DUX4: variants seen among roughly 807,000 people sequenced by gnomAD.
The protein encoded by DUX4 is double homeobox protein 4.
chr4:190,175,989 T>C (rs1742286470), downstream of DUX4: 1 of 110,108 alleles, frequency 9.1e-6, no homozygotes, highest in African/African-American at 2.7e-5. Context: ...AGAGAATGGT[T>C]ACATCACTTA....
chr4:190,180,013 A>AGCAG (rs1742525713), downstream of DUX4, among the ~76,000 whole-genome samples: 1 of 29,132 alleles, frequency 3.4e-5, no homozygotes, highest in Admixed American at 3.5e-4. Flanking sequence ...CTTAAACTAG[A>AGCAG]GTTACATCAC....
intron 1 of DUX4, among the ~76,000 whole-genome samples, chr4:190,181,232 C>CCACCTGGGTGATCAGTGCAG (rs1742554070): frequency 6.7e-6 from 1 of 149,738 alleles, no homozygotes; most frequent in East Asian, 2.0e-4. Flanking sequence ...CCCCCATAGG[C>CCACCTGGGTGATCAGTGCAG]AAATCCAAGA....
chr4:190,181,639 G>A (rs1452539961), intron 1 of DUX4, among the ~76,000 whole-genome samples: 114 of 11,528 alleles, frequency 9.9e-3, no homozygotes, highest in African/African-American at 0.014. Context: ...GCCCCCTGTA[G>A]GCAGAGCCTA....
chr4:190,182,250 G>A (rs1391400568), intron 1 of DUX4: 6 of 125,448 alleles, frequency 4.8e-5, no homozygotes, highest in Non-Finnish European at 7.4e-5. Flanking sequence ...GGGTTAGGGT[G>A]AGCATTAGGT....
downstream of DUX4, among the ~76,000 whole-genome samples, chr4:190,176,316 G>A (rs1276074482): frequency 8.7e-6 from 1 of 115,314 alleles, no homozygotes; most frequent in Non-Finnish European, 2.0e-5. Context: ...TGTAGGCAGA[G>A]CTTAGACAAG....
At chr4:190,178,665 T>TAAGTGATCAGTGCAGAGATATATCACA (rs1742440649), downstream of DUX4, among the ~76,000 whole-genome samples, 1 of 152,264 alleles carries the variant, frequency 6.6e-6, no homozygotes, top group Non-Finnish European at 1.5e-5. Flanking sequence ...TTACATCACC[T>TAAGTGATCAGTGCAGAGATATATCACA]AAGTGATCAG....
downstream of DUX4, among the ~76,000 whole-genome samples, chr4:190,177,761 A>G (rs1742384844): frequency 0.1 from 8,712 of 87,128 alleles, no homozygotes; most frequent in Admixed American, 0.12. Context: ...CCTAGACAAG[A>G]GTCCCATCAC....
intron 1 of DUX4, chr4:190,182,311 TAGGCTTAGGGTA>T (rs1742610635): frequency 8.9e-6 from 1 of 111,732 alleles, no homozygotes; most frequent in African/African-American, 2.6e-5. Context: ...GGGTTAGGCT[TAGGCTTAGGGTA>T]AGGCTTAGGG....
In DUX4 at chr4:190,175,791, C is replaced by T. The variant is rs1411936031; in HGVS notation, c.*381C>T. 1.3e-5 allele frequency: 2 copies of T among 155,152 alleles called. 1 individual carries two copies. The highest frequency in any genetic ancestry group is 1.9e-4 in the Admixed American group (2 of 10,762). The allele number at this position is 155,152 out of a possible 1,614,324, so 9.6% of individuals were successfully genotyped here. A position where few individuals can be genotyped will look rare whatever the true frequency, so the allele number is the denominator to read the frequency against. On this transcript the variant is annotated 3_prime_UTR_variant, in exon 2 of 2. Coordinates refer to ENST00000565211, the MANE Select transcript of DUX4 (RefSeq NM_001306068.3). ...CAAACCTGGATTAGAGTTACATCTC[C>T]TGGATGATTAGTTCAGAGATATATT...
At chr4:190,179,377 C>CG (rs1742489553), downstream of DUX4, among the ~76,000 whole-genome samples, 1 of 7,214 alleles carries the variant, frequency 1.4e-4, no homozygotes, top group Non-Finnish European at 3.9e-4. Context: ...ATCGCAATGC[C>CG]CCTGTAGGCA....
At chr4:190,178,363 GGCAA>G (rs1742420717), downstream of DUX4, among the ~76,000 whole-genome samples, 2 of 150,994 alleles carry the variant, frequency 1.3e-5, no homozygotes, top group African/African-American at 4.8e-5. Flanking sequence ...GTCCCCTGTA[GGCAA>G]AGCCTAGGCA....
At chr4:190,177,838 C>CTT (rs1742389332), downstream of DUX4, among the ~76,000 whole-genome samples, 8 of 146,798 alleles carry the variant, frequency 5.4e-5, no homozygotes, top group South Asian at 4.3e-4. Flanking sequence ...AGGGTTACAT[C>CTT]ACCTGGGTGA....
downstream of DUX4, among the ~76,000 whole-genome samples, chr4:190,177,966 G>C (rs1579833548): frequency 2.4e-4 from 18 of 76,342 alleles, no homozygotes; most frequent in South Asian, 3.6e-4. Flanking sequence ...GCCTAGACAA[G>C]AGTTACATCA....
Position 190,175,267 on chromosome 4 carries a change from C to A in DUX4, c.*219C>A, listed in dbSNP as rs1212879076. On this transcript the variant is annotated 3_prime_UTR_variant, in exon 1 of 2. Coordinates refer to ENST00000565211, the MANE Select transcript of DUX4 (RefSeq NM_001306068.3). ...CTGGGCATCCCGGGGATCCCAGAGC[C>A]GGCCCAGGTACCAGCAGGTGGGCCG... 4,155 of 96,264 alleles carry A rather than the reference C, an allele frequency of 0.043. No homozygotes were observed. The highest frequency in any genetic ancestry group is 0.057 in the Non-Finnish European group (2,586 of 45,408). The allele number at this position is 96,264 out of a possible 1,614,324, so 6.0% of individuals were successfully genotyped here. A position where few individuals can be genotyped will look rare whatever the true frequency, so the allele number is the denominator to read the frequency against.
At chr4:190,177,569 A>ATGAG (rs1742375717), downstream of DUX4, among the ~76,000 whole-genome samples, 1 of 145,992 alleles carries the variant, frequency 6.8e-6, no homozygotes, top group Non-Finnish European at 1.5e-5. Flanking sequence ...GTTACATCAC[A>ATGAG]TGAGTGATCA....
downstream of DUX4, among the ~76,000 whole-genome samples, chr4:190,179,711 C>G (rs1579835875): frequency 1.8e-4 from 27 of 152,094 alleles, no homozygotes; most frequent in Non-Finnish European, 3.2e-4. Context: ...AGATATGTCT[C>G]AATCCCCCTG....
At chr4:190,176,874 T>C (rs1247485345), downstream of DUX4, among the ~76,000 whole-genome samples, 5,936 of 30,790 alleles carry the variant, frequency 0.19, 59 homozygotes, top group South Asian at 0.27. Flanking sequence ...CCATACAAGG[T>C]TTAGATCACC....
At chr4:190,181,240 A>ACACAACAGTCTGCCACCTGGGT (rs1742555950) in intron 1 of DUX4, among the ~76,000 whole-genome samples, 1 of 35,122 alleles carries the variant, frequency 2.8e-5, no homozygotes, top group Non-Finnish European at 7.3e-5. Flanking sequence ...GGCAAATCCA[A>ACACAACAGTCTGCCACCTGGGT]GACAAGAGTC....
At chr4:190,176,513 A>T (rs1331470685), downstream of DUX4, among the ~76,000 whole-genome samples, 2 of 104,058 alleles carry the variant, frequency 1.9e-5, 1 homozygote, top group East Asian at 7.4e-4. Flanking sequence ...ATTCCCGTGT[A>T]GGCAGAGCCT....
Sources: gnomAD v4.1 joint callset for allele counts (sites outside exome capture counted in the v4.1 genomes callset) on GRCh38, gnomAD v4.1.1 for gene constraint, MANE v1.5 for transcripts, NCBI Gene and HGNC (gene_info 2026-07-23, HGNC 2026-07-21) for gene names.